Variants in MED13 observed in about 807,000 individuals in gnomAD.
The protein encoded by MED13 is mediator of RNA polymerase II transcription subunit 13.
MED13 carries 23 observed loss-of-function variants against 225.2 expected under a neutral mutation model. That is an observed-to-expected ratio of 0.10 (90% CI 0.07 to 0.14). The LOEUF is 0.14. MED13 is among the 10% of genes least tolerant of loss of function. The pLI is 1.00. For missense variants in MED13, 2,197 were observed against 2,594.5 expected (o/e 0.85, Z 3.33); for synonymous variants, 942 against 889.2 (o/e 1.06, Z -1.06).
intron 9 of MED13, among the ~76,000 whole-genome samples, chr17:61,999,835 T>TCA (rs991362629): frequency 1.3e-5 from 2 of 152,060 alleles, no homozygotes; most frequent in African/African-American, 4.8e-5. Flanking sequence ...GGTAGTAGCA[T>TCA]CACCGGAGAC....
rs1465985020 is a variant in MED13 at position 62,010,674 on chromosome 17, A to T, written c.1843T>A (p.Trp615Arg). The T allele has an allele frequency of 6.5e-7, 1 of 1,529,896 alleles. No homozygotes were observed. The highest frequency in any genetic ancestry group is 1.3e-5 in the South Asian group (1 of 77,688). The allele number at this position is 1,529,896 out of a possible 1,614,324, so 94.8% of individuals were successfully genotyped here. A position where few individuals can be genotyped will look rare whatever the true frequency, so the allele number is the denominator to read the frequency against. The change falls in exon 9 of 30, where the codon TGG becomes AGG. Residue 615 changes from tryptophan to arginine, a missense_variant. Trp to Arg is a moderately radical substitution (Grantham distance 101). Transcript: ENST00000397786. The part of the protein sequence containing the change: ...NLEEDEANIA[W>R]KYYKFPKKKD... ...TTCTTTGGGAACTTGTAATACTTCC[A>T]GGCTATATTGGCTTCATCTTCTTCC...
intron 9 of MED13, among the ~76,000 whole-genome samples, chr17:61,995,963 T>C (rs977439384): frequency 3.3e-5 from 5 of 152,200 alleles, no homozygotes; most frequent in Admixed American, 6.5e-5. Flanking sequence ...TCTAATCACA[T>C]TGGCACATCA....
chr17:61,981,386 T>A (rs1055598024), intron 16 of MED13, among the ~76,000 whole-genome samples: 3 of 152,116 alleles, frequency 2.0e-5, no homozygotes, highest in Non-Finnish European at 4.4e-5. Context: ...AACTGTTCAA[T>A]AGCTTCCCAT....
chr17:62,060,698 C>A (rs1019249233), intron 2 of MED13, among the ~76,000 whole-genome samples: 1 of 149,894 alleles, frequency 6.7e-6, no homozygotes, highest in Non-Finnish European at 1.5e-5. Flanking sequence ...CGTTCAAGAT[C>A]ACTATCTATT....
chr17:61,993,851 A>C (rs894233566), intron 10 of MED13, among the ~76,000 whole-genome samples: 1 of 151,988 alleles, frequency 6.6e-6, no homozygotes, highest in African/African-American at 2.4e-5. Context: ...GAATCACTTG[A>C]ATCAGGGAGG....
At chr17:61,951,154 C>T (rs1278416742) in intron 27 of MED13, among the ~76,000 whole-genome samples, 156 bp from the exon 28 acceptor site, 2 of 152,030 alleles carry the variant, frequency 1.3e-5, no homozygotes, top group East Asian at 1.9e-4. Context: ...TTTCTATGTA[C>T]TTAGGAGTAT....
intron 12 of MED13, among the ~76,000 whole-genome samples, chr17:61,985,865 A>G (rs1295630287): frequency 6.6e-6 from 1 of 152,226 alleles, no homozygotes; most frequent in Non-Finnish European, 1.5e-5. Context: ...TAGTCTCCCT[A>G]TTCCTGCAAA....
intron 3 of MED13, among the ~76,000 whole-genome samples, chr17:62,041,537 G>GT (rs2080852513): frequency 6.6e-6 from 1 of 151,914 alleles, no homozygotes; most frequent in South Asian, 2.1e-4. Flanking sequence ...ATTAAGTTTT[G>GT]TTACGTACAT....
At position 62,025,127 on chromosome 17, in the gene MED13, G is replaced by A. The variant is rs544736976; in HGVS notation, c.1283+4414C>T. 2.6e-5 allele frequency among the ~76,000 whole-genome samples: 4 copies of A among 152,274 alleles called. No individual in the cohort carries two copies. In the South Asian group the frequency reaches 8.3e-4, roughly 32 times the overall value. On this transcript the variant is annotated intron_variant, in intron 8 of 29. Transcript: ENST00000397786. ...TAAGCATTCTTTTAGTCTTAGACCA[G>A]GGATTAGCAAACTTTTTCTGTAGTG...
rs757124884 is a variant in MED13 at position 62,063,237 on chromosome 17, A to T, written c.131T>A (p.Leu44Gln). ...VWQGPTSAPILFPVTEEDPIL... is the reference protein window; with the variant it reads ...VWQGPTSAPIQFPVTEEDPIL... The stretch of plus-strand genomic sequence containing the variant: ...GGGGTCTTCTTCTGTCACAGGAAAC[A>T]GAATAGGGGCAGAAGTTGGGCCTTG... The change falls in exon 2 of 30, where the codon CTG (leucine) becomes CAG (glutamine). Residue 44 changes from leucine (L) to glutamine (Q), a missense_variant. Leu to Gln is a moderately radical substitution (Grantham distance 113). Transcript: ENST00000397786. 6.2e-7 allele frequency: 1 copy of T among 1,614,188 alleles called. No homozygotes were observed. The highest frequency in any genetic ancestry group is 1.1e-5 in the South Asian group (1 of 91,092).
chr17:62,063,351 C>G (rs2081056630), intron 1 of MED13, 50 bp from the exon 2 acceptor site: 1 of 1,172,608 alleles, frequency 8.5e-7, no homozygotes, highest in South Asian at 1.3e-5. Context: ...CACTCAAAGT[C>G]AAAAGTACTC....
chr17:62,063,330 T>C (rs1417075353), intron 1 of MED13, 29 bp from the exon 2 acceptor site: 3 of 1,462,940 alleles, frequency 2.1e-6, no homozygotes, highest in African/African-American at 1.4e-5. Context: ...TAAGTTTTAT[T>C]ACTGCATATT....
chr17:61,998,043 CAATA>C (rs1305524243), intron 9 of MED13, among the ~76,000 whole-genome samples: 1 of 152,000 alleles, frequency 6.6e-6, no homozygotes, highest in Non-Finnish European at 1.5e-5. Context: ...TATCAAGACA[CAATA>C]AATTTTAAAA....
At chr17:62,053,781 C>A (rs866640329) in intron 2 of MED13, among the ~76,000 whole-genome samples, 9 of 152,050 alleles carry the variant, frequency 5.9e-5, no homozygotes, top group Middle Eastern at 3.2e-3. Flanking sequence ...AAAACAGACA[C>A]AATATGAGCT....
chr17:62,042,600 C>G (rs2080863147), intron 3 of MED13, among the ~76,000 whole-genome samples: 1 of 145,816 alleles, frequency 6.9e-6, no homozygotes, highest in African/African-American at 2.5e-5. Context: ...CCCCACAAAA[C>G]TTAGCAACAA....
intron 3 of MED13, among the ~76,000 whole-genome samples, chr17:62,039,364 C>T (rs995388703): frequency 6.6e-6 from 1 of 151,888 alleles, no homozygotes; most frequent in Non-Finnish European, 1.5e-5. Flanking sequence ...CTCACTGCAG[C>T]CTCCACTTCC....
intron 28 of MED13, among the ~76,000 whole-genome samples, chr17:61,948,413 C>T (rs1317008701): frequency 6.6e-6 from 1 of 152,058 alleles, no homozygotes; most frequent in Non-Finnish European, 1.5e-5. Flanking sequence ...GAACACATCC[C>T]CTGAAACACT....
At position 61,978,151 on chromosome 17, in the gene MED13, C is replaced by CTT. The variant is rs201754153; in HGVS notation, c.3805+4045_3805+4046dup. On this transcript the variant is annotated intron_variant, in intron 16 of 29. Coordinates refer to ENST00000397786, the MANE Select transcript of MED13 (RefSeq NM_005121.3). ...GTTCTTACTATGTGCCAAAAACTGCCTTTTTTTTTTTTTCTTCAGACCGAG... is the reference window on the plus strand; with the variant it reads ...GTTCTTACTATGTGCCAAAAACTGCCTTTTTTTTTTTTTTTCTTCAGACCGAG... Among the ~76,000 whole-genome samples the CTT allele has an allele frequency of 2.4e-4, 35 of 144,900 alleles. No homozygotes were observed. The South Asian group carries it at 5.2e-3, about 21-fold the overall frequency.
intron 9 of MED13, among the ~76,000 whole-genome samples, chr17:61,999,715 A>G (rs551363176): frequency 6.6e-6 from 1 of 152,290 alleles, no homozygotes; most frequent in East Asian, 1.9e-4. Flanking sequence ...TAAATTCTAT[A>G]ATGCTATACT....
Sources: allele counts gnomAD v4.1 joint callset (sites outside exome capture counted in the v4.1 genomes callset), GRCh38; gene constraint gnomAD v4.1.1; transcripts MANE v1.5; gene names NCBI Gene and HGNC (gene_info 2026-07-23, HGNC 2026-07-21).